CTIF: variants seen among roughly 807,000 people sequenced by gnomAD.
CTIF encodes the protein CBP80/20-dependent translation initiation factor.
In CTIF, 21 loss-of-function variants were observed where a neutral mutation model predicts 66.0. That is an observed-to-expected ratio of 0.32 (90% CI 0.23 to 0.46). The LOEUF is 0.46. Ranked by LOEUF, CTIF falls within the 20% of genes least tolerant of loss-of-function variation. The pLI is 1.00. For synonymous variants in CTIF, 345 were observed against 326.4 expected, an observed-to-expected ratio of 1.06 and a Z score of -0.62; for missense variants, 739 against 812.7, an observed-to-expected ratio of 0.91 and a Z score of 1.10.
intron 1 of CTIF, chr18:48,568,266 A>G (rs767093717): frequency 9.2e-5 from 14 of 152,176 alleles, no homozygotes; most frequent in Non-Finnish European, 1.9e-4. Context: ...ACATGACATT[A>G]TCGAAACACC....
intron 1 of CTIF, among the ~76,000 whole-genome samples, chr18:48,582,085 T>G (rs1314043250): frequency 6.6e-6 from 1 of 151,820 alleles, no homozygotes; most frequent in African/African-American, 2.4e-5. Context: ...GCCGTCTGTT[T>G]CAAGAAGTGG....
intron 7 of CTIF, among the ~76,000 whole-genome samples, chr18:48,754,718 C>T (rs988400701): frequency 3.9e-5 from 6 of 152,232 alleles, no homozygotes; most frequent in African/African-American, 7.2e-5. Context: ...GCAAAGGAGC[C>T]GCCGCCCAGC....
intron 1 of CTIF, among the ~76,000 whole-genome samples, chr18:48,550,218 C>G (rs1005297957): frequency 2.0e-5 from 3 of 152,090 alleles, no homozygotes; most frequent in Non-Finnish European, 4.4e-5. Flanking sequence ...GTGGAGAACC[C>G]CAGTAGGCAG....
intron 3 of CTIF, among the ~76,000 whole-genome samples, chr18:48,663,386 C>T (rs1432844637): frequency 6.6e-6 from 1 of 152,118 alleles, no homozygotes; most frequent in Non-Finnish European, 1.5e-5. Context: ...CCCCAGTGGG[C>T]CTGGCTCTGC....
intron 9 of CTIF, among the ~76,000 whole-genome samples, chr18:48,764,800 G>A (rs373800065): frequency 4.6e-5 from 7 of 152,200 alleles, no homozygotes; most frequent in African/African-American, 9.7e-5. Context: ...CATGTGAGCC[G>A]AGGAGGGAGC....
At chr18:48,826,329 C>G (rs1276646973) in intron 10 of CTIF, 6 of 152,196 alleles carry the variant, frequency 3.9e-5, no homozygotes, top group Non-Finnish European at 7.3e-5. Context: ...TCCATTCTCC[C>G]AACGGGGCAT....
At chr18:48,843,391 G>C (rs539866081) in intron 10 of CTIF, among the ~76,000 whole-genome samples, 273 of 152,262 alleles carry the variant, frequency 1.8e-3, no homozygotes, top group Non-Finnish European at 3.3e-3. Flanking sequence ...CCTGCGGAGT[G>C]GGGAGGGCTT....
At chr18:48,777,553 G>A (rs1310000867) in intron 9 of CTIF, among the ~76,000 whole-genome samples, 1 of 152,170 alleles carries the variant, frequency 6.6e-6, no homozygotes, top group Non-Finnish European at 1.5e-5. Flanking sequence ...GCCACAGGAG[G>A]GCCACCGAGG....
At chr18:48,645,021 C>G (rs187115063) in intron 3 of CTIF, among the ~76,000 whole-genome samples, 1 of 152,186 alleles carries the variant, frequency 6.6e-6, no homozygotes, top group Admixed American at 6.5e-5. Flanking sequence ...ATCAAAATGT[C>G]TTGTTGAAAA....
intron 1 of CTIF, among the ~76,000 whole-genome samples, chr18:48,571,414 C>T (rs1253377717): frequency 6.6e-6 from 1 of 152,200 alleles, no homozygotes; most frequent in African/African-American, 2.4e-5. Context: ...CCTCGGCCTC[C>T]CAAAGTGTTG....
chr18:48,646,892 T>C lies in CTIF; in HGVS notation c.252+10207T>C, dbSNP rs1365752288. ...GGTATAGCCATTCTGGAAAACAGTT[T>C]GGCAGTTTCAAAAAAAAAAAAAAAA... is the stretch of plus-strand genomic sequence containing the variant. On this transcript the variant is annotated intron_variant, in intron 3 of 11. Coordinates refer to ENST00000256413, the MANE Select transcript of CTIF (RefSeq NM_014772.3). Among the ~76,000 whole-genome samples the C allele has an allele frequency of 3.9e-5, 4 of 103,524 alleles. No individual in the cohort carries two copies. In the East Asian group the frequency reaches 1.2e-3, roughly 31 times the overall value. 67.9% of individuals were successfully genotyped at this position (103,524 alleles called of 152,430 possible).
chr18:48,802,569 C>T (rs552124251), intron 9 of CTIF, among the ~76,000 whole-genome samples: 99 of 152,358 alleles, frequency 6.5e-4, no homozygotes, highest in African/African-American at 2.3e-3. Flanking sequence ...ATCAAGGAGC[C>T]TCATCCTCCA....
intron 7 of CTIF, among the ~76,000 whole-genome samples, chr18:48,717,735 AT>A (rs879641592): frequency 8.6e-4 from 131 of 152,058 alleles, no homozygotes; most frequent in Non-Finnish European, 1.6e-3. Flanking sequence ...CCCCTTCAAA[AT>A]TTTTTTTAGC....
intron 10 of CTIF, among the ~76,000 whole-genome samples, chr18:48,824,823 G>T (rs1199051837): frequency 4.6e-5 from 7 of 152,046 alleles, no homozygotes; most frequent in African/African-American, 1.7e-4. Context: ...TGTATTTTTG[G>T]TAGAGACGGG....
At chr18:48,658,220 ATGTG>A (rs554908004) in intron 3 of CTIF, among the ~76,000 whole-genome samples, 119 of 150,536 alleles carry the variant, frequency 7.9e-4, no homozygotes, top group South Asian at 4.8e-3. Flanking sequence ...GGGTGTGGAT[ATGTG>A]TGTGTGTGTA....
rs2068164179 is a variant in CTIF at position 48,807,150 on chromosome 18, C to G, written c.1372-10071C>G. 2.0e-5 allele frequency among the ~76,000 whole-genome samples: 3 copies of G among 152,306 alleles called. No individual in the cohort carries two copies. The South Asian group carries it at 6.2e-4, about 32-fold the overall frequency. On this transcript the variant is annotated intron_variant, in intron 9 of 11. Transcript: ENST00000256413. ...ACCTATAACATGTGTCAAGAGGAGACACACAGGCTGGGTTTTGGTGGCCTC... is the reference window on the plus strand; with the variant it reads ...ACCTATAACATGTGTCAAGAGGAGAGACACAGGCTGGGTTTTGGTGGCCTC...
At chr18:48,742,655 A>C (rs900257231) in intron 7 of CTIF, among the ~76,000 whole-genome samples, 2 of 152,250 alleles carry the variant, frequency 1.3e-5, no homozygotes, top group African/African-American at 4.8e-5. Context: ...TTTAACCCTC[A>C]GAAGCCAGTG....
At chr18:48,754,423 A>G (rs554634747) in intron 7 of CTIF, among the ~76,000 whole-genome samples, 29 of 152,302 alleles carry the variant, frequency 1.9e-4, no homozygotes, top group African/African-American at 6.7e-4. Flanking sequence ...CTGCCTGCAC[A>G]CAGAGGCCAG....
intron 6 of CTIF, among the ~76,000 whole-genome samples, chr18:48,685,822 G>A (rs1385535415): frequency 1.3e-5 from 2 of 151,646 alleles, no homozygotes; most frequent in Non-Finnish European, 2.9e-5. Flanking sequence ...GATTACAGGT[G>A]CCTGCCACCA....
Sources: allele counts gnomAD v4.1 joint callset (sites outside exome capture counted in the v4.1 genomes callset), GRCh38; gene constraint gnomAD v4.1.1; transcripts MANE v1.5; gene names NCBI Gene and HGNC (gene_info 2026-07-23, HGNC 2026-07-21).